DNAH11: variants seen among roughly 807,000 people sequenced by gnomAD.
DNAH11 encodes dynein axonemal heavy chain 11.
DNAH11 carries 442 observed loss-of-function variants against 526.0 expected under a neutral mutation model. The observed-to-expected ratio is 0.84, with a 90% CI of 0.78 to 0.91. The LOEUF (loss-of-function observed/expected upper bound fraction) is 0.91, where lower values mean the gene tolerates loss of function less well. Ranked by LOEUF, DNAH11 falls within the 40% of genes least tolerant of loss-of-function variation. The probability of loss-of-function intolerance (pLI) is 0.00; values close to 1 mark genes in which losing one functional copy is unlikely to be tolerated. For missense variants in DNAH11, 6,989 were observed against 5,448.7 expected, an observed-to-expected ratio of 1.28 and a Z score of -8.90; for synonymous variants, 2,461 against 1,935.9, an observed-to-expected ratio of 1.27 and a Z score of -7.12.
intron 44 of DNAH11, among the ~76,000 whole-genome samples, chr7:21,722,612 C>T (rs980103818): frequency 6.6e-6 from 1 of 152,148 alleles, no homozygotes; most frequent in African/African-American, 2.4e-5. Context: ...CCTCCTAGAT[C>T]TTATTTCAGC....
chr7:21,874,930 C>A (rs1783648284), intron 74 of DNAH11, among the ~76,000 whole-genome samples: 1 of 152,094 alleles, frequency 6.6e-6, no homozygotes, highest in African/African-American at 2.4e-5. Context: ...TATTCAGCCC[C>A]CTCTTAGAAA....
At position 21,600,041 on chromosome 7, in the gene DNAH11, A is replaced by G. The variant is rs1421593103; in HGVS notation, c.2922A>G (p.Glu974=). The G allele has an allele frequency of 6.2e-7, 1 of 1,611,136 alleles. No individual in the cohort carries two copies. Among genetic ancestry groups the G allele is most frequent in the East Asian group, 2.2e-5 (1 of 44,836 alleles). Residue 974 remains glutamate, a synonymous_variant, in exon 15 of 82, where the codon GAA becomes GAG. Transcript: ENST00000409508. The part of the protein sequence containing the change: ...EAGDGFYDLV[E]EMLCNSFRMS... ...GGGATGGCTTCTATGATCTTGTAGAAGAAATGTTATGCAATAGTTTTAGAA... is the reference window on the plus strand; with the variant it reads ...GGGATGGCTTCTATGATCTTGTAGAGGAAATGTTATGCAATAGTTTTAGAA...
At chr7:21,839,543 C>G (rs1782124703) in intron 65 of DNAH11, among the ~76,000 whole-genome samples, 1 of 150,934 alleles carries the variant, frequency 6.6e-6, no homozygotes, top group African/African-American at 2.5e-5. Flanking sequence ...CCACTGCACT[C>G]CAACCTGGGC....
intron 65 of DNAH11, among the ~76,000 whole-genome samples, chr7:21,824,034 T>C (rs1016578945): frequency 6.2e-5 from 9 of 144,070 alleles, no homozygotes; most frequent in African/African-American, 2.1e-4. Context: ...ACCTTCCGTT[T>C]AAGGGTAAAT....
chr7:21,608,148 A>G (rs1478186679), intron 20 of DNAH11, among the ~76,000 whole-genome samples: 1 of 151,942 alleles, frequency 6.6e-6, no homozygotes, highest in Middle Eastern at 3.4e-3. Flanking sequence ...CTTATTCTTA[A>G]CCCTGGACAT....
intron 66 of DNAH11, among the ~76,000 whole-genome samples, chr7:21,845,559 C>T (rs113376757): frequency 2.0e-5 from 3 of 152,138 alleles, no homozygotes; most frequent in African/African-American, 4.8e-5. Flanking sequence ...CATATTTCTG[C>T]GTTCTCTGTT....
chr7:21,599,943 C>A lies in DNAH11; in HGVS notation c.2824C>A (p.Pro942Thr), dbSNP rs189569144. 400 of 1,613,464 alleles carry A rather than the reference C, an allele frequency of 2.5e-4. 3 individuals carry two copies. Among genetic ancestry groups the A allele is most frequent in the South Asian group, 2.0e-3 (182 of 91,048 alleles). The part of the protein sequence containing the change: ...KNTEKQLKPA[P>T]FFQAQMILLP... ...TACAGAGAAACAATTGAAACCGGCA[C>A]CGTTTTTTCAAGCACAAATGATCTT... The change falls in exon 15 of 82, where the codon CCG becomes ACG. Residue 942 changes from proline to threonine, a missense_variant. Transcript: ENST00000409508.
chr7:21,737,555 A>G (rs2128489648), intron 46 of DNAH11, among the ~76,000 whole-genome samples: 1 of 152,286 alleles, frequency 6.6e-6, no homozygotes, highest in South Asian at 2.1e-4. Flanking sequence ...AGTTGGGGAG[A>G]TCAGTCCCCC....
chr7:21,795,733 A>G (rs1239587771), intron 61 of DNAH11, among the ~76,000 whole-genome samples: 1 of 152,228 alleles, frequency 6.6e-6, no homozygotes, highest in Non-Finnish European at 1.5e-5. Flanking sequence ...CTGCCCTGAA[A>G]AATCTTACAG....
chr7:21,882,975 A>C (rs1242536362), intron 75 of DNAH11, among the ~76,000 whole-genome samples: 1 of 152,252 alleles, frequency 6.6e-6, no homozygotes, highest in Non-Finnish European at 1.5e-5. Context: ...AAAAGAACTA[A>C]AAGTCAGAAG....
At chr7:21,785,082 T>C (rs1199334861) in intron 58 of DNAH11, among the ~76,000 whole-genome samples, 1 of 152,118 alleles carries the variant, frequency 6.6e-6, no homozygotes, top group Non-Finnish European at 1.5e-5. Flanking sequence ...AGCATATTGT[T>C]AGGGAAAGTG....
intron 44 of DNAH11, among the ~76,000 whole-genome samples, chr7:21,724,515 G>C (rs966659621): frequency 6.6e-6 from 1 of 152,228 alleles, no homozygotes; most frequent in Non-Finnish European, 1.5e-5. Context: ...GAAAGCAGTA[G>C]ACACACACAG....
chr7:21,727,818 C>T (rs1016928861), intron 45 of DNAH11, among the ~76,000 whole-genome samples: 6 of 152,262 alleles, frequency 3.9e-5, no homozygotes, highest in South Asian at 2.1e-4. Context: ...ACAATAAAAA[C>T]GTGTTTTTCT....
intron 62 of DNAH11, among the ~76,000 whole-genome samples, chr7:21,803,081 TATAAC>T (rs1391009972): frequency 2.6e-5 from 4 of 152,152 alleles, no homozygotes; most frequent in African/African-American, 9.6e-5. Flanking sequence ...TTAGAAAGCA[TATAAC>T]ATATATATCT....
chr7:21,840,220 C>G (rs1782152140), intron 65 of DNAH11, among the ~76,000 whole-genome samples: 1 of 152,212 alleles, frequency 6.6e-6, no homozygotes, highest in Non-Finnish European at 1.5e-5. Flanking sequence ...GGAGCCCTGT[C>G]TGAATGCGAT....
chr7:21,624,526 C>T (rs1176746829), intron 25 of DNAH11, among the ~76,000 whole-genome samples: 5 of 152,142 alleles, frequency 3.3e-5, no homozygotes, highest in Non-Finnish European at 7.4e-5. Flanking sequence ...TCACTTCTTC[C>T]TTTCCATTTG....
At chr7:21,899,646 T>C (rs1784673777) in intron 80 of DNAH11, among the ~76,000 whole-genome samples, 198 bp downstream of exon 80, 1 of 152,186 alleles carries the variant, frequency 6.6e-6, no homozygotes, top group South Asian at 2.1e-4. Context: ...AAGGACCTCC[T>C]ATAGCAGCAA....
At chr7:21,809,092 A>G (rs1197151958) in intron 63 of DNAH11, among the ~76,000 whole-genome samples, 1 of 152,130 alleles carries the variant, frequency 6.6e-6, no homozygotes, top group Non-Finnish European at 1.5e-5. Flanking sequence ...GTGAAATTAT[A>G]TCTCACTGTG....
chr7:21,628,902 T>C (rs1169390821), intron 25 of DNAH11, among the ~76,000 whole-genome samples: 6 of 152,166 alleles, frequency 3.9e-5, no homozygotes, highest in African/African-American at 1.2e-4. Flanking sequence ...TTAATTTTAT[T>C]TGTTTCAGCT....
Sources: allele counts gnomAD v4.1 joint callset (sites outside exome capture counted in the v4.1 genomes callset), GRCh38; gene constraint gnomAD v4.1.1; transcripts MANE v1.5; gene names NCBI Gene and HGNC (gene_info 2026-07-23, HGNC 2026-07-21).